FAR2: variants seen among roughly 807,000 people sequenced by gnomAD.
The protein encoded by FAR2 is epididymis secretory protein Li 81.
Under a neutral mutation model 56.0 loss-of-function variants are expected in FAR2, and 19 were observed. That is an observed-to-expected ratio of 0.34 (90% CI 0.24 to 0.50). The LOEUF is 0.50. Among genes scored for constraint, FAR2 ranks in the 20% least tolerant of loss-of-function variants. FAR2 has a pLI of 0.98. For missense variants in FAR2, 508 were observed against 642.2 expected, an observed-to-expected ratio of 0.79 and a Z score of 2.26; for synonymous variants, 219 against 218.8, an observed-to-expected ratio of 1.00 and a Z score of -0.01.
chr12:29,287,548 CTT>C (rs1432877798), intron 2 of FAR2, among the ~76,000 whole-genome samples: 2 of 152,132 alleles, frequency 1.3e-5, no homozygotes, highest in Admixed American at 6.5e-5. Context: ...TACAGTGTCT[CTT>C]TCACCTTGGG....
intron 4 of FAR2, among the ~76,000 whole-genome samples, chr12:29,299,625 T>A (rs1040605652): frequency 1.3e-5 from 2 of 152,186 alleles, no homozygotes; most frequent in African/African-American, 4.8e-5. Flanking sequence ...AGGAACTAAG[T>A]TTTTTTAAAA....
intron 1 of FAR2, among the ~76,000 whole-genome samples, chr12:29,193,756 TA>T (rs1950121606): frequency 6.6e-6 from 1 of 152,224 alleles, no homozygotes; most frequent in Non-Finnish European, 1.5e-5. Flanking sequence ...CTCTTTTGGG[TA>T]AATACCAAGG....
At chr12:29,186,889 C>T (rs1328718046) in intron 1 of FAR2, among the ~76,000 whole-genome samples, 2 of 152,004 alleles carry the variant, frequency 1.3e-5, no homozygotes, top group East Asian at 3.9e-4. Context: ...CCCGGGTTCA[C>T]GCCATTCTCC....
chr12:29,228,101 T>A (rs1326621193), intron 1 of FAR2, among the ~76,000 whole-genome samples: 1 of 151,110 alleles, frequency 6.6e-6, no homozygotes, highest in Non-Finnish European at 1.5e-5. Context: ...CTGCATATTG[T>A]GCACATGTAC....
At chr12:29,180,226 C>G (rs2136596390) in intron 1 of FAR2, among the ~76,000 whole-genome samples, 1 of 152,182 alleles carries the variant, frequency 6.6e-6, no homozygotes, top group South Asian at 2.1e-4. Context: ...TTATATGAAG[C>G]AAAAGATATT....
chr12:29,240,490 GAC>G (rs143908026), intron 1 of FAR2, among the ~76,000 whole-genome samples: 187 of 150,608 alleles, frequency 1.2e-3, no homozygotes, highest in African/African-American at 4.3e-3. Flanking sequence ...GGGGTGAGGT[GAC>G]ACAGAGAAAT....
At chr12:29,207,686 G>A (rs568017073) in intron 1 of FAR2, among the ~76,000 whole-genome samples, 2 of 152,250 alleles carry the variant, frequency 1.3e-5, no homozygotes, top group South Asian at 4.2e-4. Context: ...CAGACTGGAT[G>A]GATGGATGGA....
At chr12:29,150,564 G>T (rs1313807519) in intron 1 of FAR2, among the ~76,000 whole-genome samples, 1 of 152,194 alleles carries the variant, frequency 6.6e-6, no homozygotes, top group East Asian at 1.9e-4. Context: ...ACTGACAGGT[G>T]TAGTTAGTCC....
chr12:29,232,848 G>A (rs771580425), intron 1 of FAR2, among the ~76,000 whole-genome samples: 4 of 124,224 alleles, frequency 3.2e-5, no homozygotes, highest in Non-Finnish European at 6.4e-5. Context: ...CACACACACA[G>A]AGTGCCCTTC....
intron 2 of FAR2, among the ~76,000 whole-genome samples, chr12:29,272,853 G>A (rs1465176029): frequency 1.3e-5 from 2 of 152,128 alleles, no homozygotes; most frequent in Non-Finnish European, 2.9e-5. Context: ...TCTTGATGTT[G>A]TTGTCGCTTT....
intron 1 of FAR2, among the ~76,000 whole-genome samples, chr12:29,149,656 G>T (rs1031848370): frequency 1.3e-5 from 2 of 152,234 alleles, no homozygotes; most frequent in Admixed American, 6.5e-5. Flanking sequence ...GGTTGGCGTC[G>T]GCGGAGCCCG....
chr12:29,330,160 G>A (rs1453396134), intron 10 of FAR2, among the ~76,000 whole-genome samples: 6 of 149,658 alleles, frequency 4.0e-5, no homozygotes, highest in South Asian at 4.2e-4. Context: ...GGGTTCAAGC[G>A]CGTCTCCTGT....
intron 1 of FAR2, among the ~76,000 whole-genome samples, chr12:29,235,083 A>G (rs780427974): frequency 2.0e-5 from 3 of 152,192 alleles, no homozygotes; most frequent in African/African-American, 7.2e-5. Context: ...TTTTGTCCTC[A>G]TAGCAACCGT....
intron 1 of FAR2, among the ~76,000 whole-genome samples, chr12:29,167,353 G>A (rs1476902716): frequency 2.6e-5 from 4 of 151,880 alleles, no homozygotes; most frequent in Non-Finnish European, 4.4e-5. Context: ...TCTGTCTCTG[G>A]TTCTGCTCCA....
intron 1 of FAR2, chr12:29,156,602 T>C (rs1949729386): frequency 6.6e-6 from 1 of 152,254 alleles, no homozygotes; most frequent in Non-Finnish European, 1.5e-5. Flanking sequence ...GGATTTCCTA[T>C]GAGTAGTCGC....
chr12:29,264,276 C>T (rs1345865028), intron 1 of FAR2, among the ~76,000 whole-genome samples: 2 of 152,060 alleles, frequency 1.3e-5, no homozygotes, highest in African/African-American at 2.4e-5. Context: ...TTCAACATCC[C>T]TTTGTGATAA....
At chr12:29,251,155 A>G (rs1485067497) in intron 1 of FAR2, among the ~76,000 whole-genome samples, 1 of 152,234 alleles carries the variant, frequency 6.6e-6, no homozygotes, top group Non-Finnish European at 1.5e-5. Context: ...GAAAAGTTCA[A>G]GGTCAACTGA....
chr12:29,333,239 T>C (rs1034092133), intron 11 of FAR2: 1 of 236,136 alleles, frequency 4.2e-6, no homozygotes, highest in South Asian at 6.2e-5. Flanking sequence ...ATGATAAGGA[T>C]AAAAAAGTAG....
intron 1 of FAR2, among the ~76,000 whole-genome samples, chr12:29,174,628 G>A (rs540842426): frequency 1.4e-4 from 22 of 151,938 alleles, no homozygotes; most frequent in Non-Finnish European, 1.0e-4. Context: ...CACTGTGTTA[G>A]CCAGGATGGT....
Sources: allele counts gnomAD v4.1 joint callset (sites outside exome capture counted in the v4.1 genomes callset), GRCh38; gene constraint gnomAD v4.1.1; transcripts MANE v1.5; gene names NCBI Gene and HGNC (gene_info 2026-07-23, HGNC 2026-07-21).